FAM240C: variants seen among roughly 807,000 people sequenced by gnomAD.
FAM240C encodes the protein protein FAM240C.
Under a neutral mutation model 10.0 loss-of-function variants are expected in FAM240C, and 14 were observed. That is an observed-to-expected ratio of 1.40 (90% CI 0.92 to 2.19). The LOEUF is 2.19. FAM240C is among the 30% of genes most tolerant of loss of function. FAM240C has a pLI of 0.00. For missense variants in FAM240C, 154 were observed against 122.3 expected (o/e 1.26, Z -1.22); for synonymous variants, 49 against 44.3 (o/e 1.11, Z -0.42).
At chr2:241,899,957 C>T (rs2124927804) in intron 1 of FAM240C, among the ~76,000 whole-genome samples, 1 of 152,220 alleles carries the variant, frequency 6.6e-6, no homozygotes, top group African/African-American at 2.4e-5. Context: ...GTCCCAGCTA[C>T]TCGGAAGGCT....
Position 241,900,274 on chromosome 2 carries a change from A to G in FAM240C, c.12+84T>C. The G allele has an allele frequency of 1.4e-6, 1 of 709,734 alleles. No individual in the cohort carries two copies. 44.0% of individuals were successfully genotyped at this position (709,734 alleles called of 1,614,324 possible). A position where few individuals can be genotyped will look rare whatever the true frequency, so the allele number is the denominator to read the frequency against. On this transcript the variant is annotated intron_variant, in intron 1 of 2. Transcript: ENST00000404031. The surrounding 1 kb of genome is among the most constrained non-coding windows in gnomAD (Gnocchi z 4.5). The stretch of plus-strand genomic sequence containing the variant: ...ACGTCTTGTGCCAGATATGTCACAT[A>G]CTCTGTTCACCTTTTGGGGGCCCCC...
At chr2:241,896,373 GTACAGA>G (rs1297574360) in intron 2 of FAM240C, among the ~76,000 whole-genome samples, 1 of 152,156 alleles carries the variant, frequency 6.6e-6, no homozygotes, top group Non-Finnish European at 1.5e-5. Context: ...AAGGGCACAA[GTACAGA>G]TACGTCACTC....
At chr2:241,902,048 G>A (rs1701995056), upstream of FAM240C, among the ~76,000 whole-genome samples, 1 of 152,238 alleles carries the variant, frequency 6.6e-6, no homozygotes, top group African/African-American at 2.4e-5. The surrounding 1 kb of genome is among the most constrained non-coding windows in gnomAD (Gnocchi z 7.1). Flanking sequence ...CCGTGTTTCG[G>A]AGTTTGTAGG....
intron 2 of FAM240C, among the ~76,000 whole-genome samples, chr2:241,896,976 C>T (rs1162201869): frequency 2.6e-5 from 4 of 151,840 alleles, no homozygotes; most frequent in African/African-American, 7.3e-5. Context: ...TCATTTCCCA[C>T]CTACTGTTCC....
intron 2 of FAM240C, 98 bp downstream of exon 2, chr2:241,897,088 G>A: frequency 1.5e-6 from 2 of 1,358,294 alleles, no homozygotes; most frequent in East Asian, 5.0e-5. Flanking sequence ...CTGAGGGCCA[G>A]GGCTGTGTCA....
upstream of FAM240C, among the ~76,000 whole-genome samples, chr2:241,902,159 C>T (rs1420407242): frequency 6.6e-6 from 1 of 152,146 alleles, no homozygotes; most frequent in East Asian, 1.9e-4. The surrounding 1 kb of genome is among the most constrained non-coding windows in gnomAD (Gnocchi z 7.1). Flanking sequence ...CTTTCCTGAG[C>T]TATCCCAGTG....
At chr2:241,899,681 G>C (rs192210129) in intron 1 of FAM240C, among the ~76,000 whole-genome samples, 2 of 152,338 alleles carry the variant, frequency 1.3e-5, no homozygotes, top group East Asian at 3.9e-4. Context: ...CTGCTCTTAG[G>C]ACACTTAGCC....
At chr2:241,897,655 T>C (rs1284743002) in intron 1 of FAM240C, among the ~76,000 whole-genome samples, 1 of 152,182 alleles carries the variant, frequency 6.6e-6, no homozygotes, top group Non-Finnish European at 1.5e-5. Flanking sequence ...TAACTCTCTG[T>C]GTGTTAGTGT....
chr2:241,899,090 G>C, intron 1 of FAM240C: 1 of 1,296,458 alleles, frequency 7.7e-7, no homozygotes, highest in Non-Finnish European at 1.0e-6. Context: ...GAGACCCGCG[G>C]GCTCGTTTCC....
In FAM240C at chr2:241,897,286, C is replaced by A; in HGVS notation, c.61G>T (p.Asp21Tyr). The A allele has an allele frequency of 6.5e-7, 1 of 1,549,812 alleles. No homozygotes were observed. The highest frequency in any genetic ancestry group is 8.7e-7 in the Non-Finnish European group (1 of 1,146,526). The change falls in exon 2 of 3, where the codon GAT becomes TAT. Residue 21 changes from aspartate (D) to tyrosine (Y), a missense_variant. Transcript: ENST00000404031. ...TLKNPGRVAYDSGGIKMFWEK... is the reference protein window; with the variant it reads ...TLKNPGRVAYYSGGIKMFWEK... ...CAAAACATCTTTATCCCGCCTGAAT[C>A]GTATGCTACTCTTCCAGGATTCTTA...
chr2:241,895,597 G>A (rs1701776680), intron 2 of FAM240C, among the ~76,000 whole-genome samples: 1 of 152,232 alleles, frequency 6.6e-6, no homozygotes, highest in African/African-American at 2.4e-5. Context: ...CTCTCTAACG[G>A]GAACCCTAAG....
chr2:241,897,639 C>T (rs1420305866), intron 1 of FAM240C, among the ~76,000 whole-genome samples: 1 of 152,228 alleles, frequency 6.6e-6, no homozygotes, highest in East Asian at 1.9e-4. Flanking sequence ...AGCAATGATG[C>T]ACTTCTAACT....
intron 2 of FAM240C, among the ~76,000 whole-genome samples, chr2:241,896,846 T>A (rs1575420230): frequency 1.6e-5 from 1 of 61,616 alleles, no homozygotes; most frequent in South Asian, 5.8e-4. Context: ...GGGGTGTGGG[T>A]GAAGGGGTGT....
chr2:241,897,408 C>G (rs1030072911), intron 1 of FAM240C, 74 bp from the exon 2 acceptor site: 4 of 1,493,438 alleles, frequency 2.7e-6, no homozygotes, highest in Non-Finnish European at 2.7e-6. Flanking sequence ...CTCCAGCACC[C>G]GGATGGCAGA....
intron 1 of FAM240C, among the ~76,000 whole-genome samples, chr2:241,899,934 G>T (rs1217914150): frequency 6.6e-6 from 1 of 152,164 alleles, no homozygotes; most frequent in East Asian, 1.9e-4. Flanking sequence ...GGGCGTCGTG[G>T]TGGGCGCCTG....
At chr2:241,897,388 C>T (rs1000262390) in intron 1 of FAM240C, 54 bp from the exon 2 acceptor site, 15 of 1,527,512 alleles carry the variant, frequency 9.8e-6, no homozygotes, top group Admixed American at 4.0e-5. Context: ...TTCCCATTGA[C>T]GAGTTTGTGC....
Position 241,897,286 on chromosome 2 carries a change from C to T in FAM240C, c.61G>A (p.Asp21Asn), listed in dbSNP as rs910378826. The change falls in exon 2 of 3, where the codon GAT (aspartate) becomes AAT (asparagine). Residue 21 changes from aspartate (D) to asparagine (N), a missense_variant. Transcript: ENST00000404031. ...CAAAACATCTTTATCCCGCCTGAAT[C>T]GTATGCTACTCTTCCAGGATTCTTA... Reference protein sequence around the residue: ...TLKNPGRVAYDSGGIKMFWEK... With the variant: ...TLKNPGRVAYNSGGIKMFWEK... The T allele has an allele frequency of 7.1e-6, 11 of 1,549,812 alleles. No homozygotes were observed. Among genetic ancestry groups the T allele is most frequent in the African/African-American group, 2.7e-5 (2 of 73,106 alleles).
chr2:241,897,472 AT>A lies in FAM240C; in HGVS notation c.13-139del, dbSNP rs890832458. ...TCCCCGCCTTCCTGGTTCGTGGGGG[AT>A]GGCGGAGGCTGCCCTCTGAGACTCA... On this transcript the variant is annotated intron_variant, in intron 1 of 2. Transcript: ENST00000404031. 5 of 1,030,900 alleles carry A rather than the reference AT, an allele frequency of 4.9e-6. No homozygotes were observed. The African/African-American group carries it at 8.1e-5, about 17-fold the overall frequency. 63.9% of individuals were successfully genotyped at this position (1,030,900 alleles called of 1,614,324 possible).
chr2:241,897,226 G>T lies in FAM240C; in HGVS notation c.121C>A (p.Gln41Lys). The T allele has an allele frequency of 6.5e-7, 1 of 1,549,988 alleles. No individual in the cohort carries two copies. The highest frequency in any genetic ancestry group is 8.7e-7 in the Non-Finnish European group (1 of 1,146,540). Reference sequence around the variant, plus strand: ...CTGCGAACCCTGATGTCCTCGTTCTGCAGGTGTCTTGCGTGATGCTCGATT... The same window carrying T: ...CTGCGAACCCTGATGTCCTCGTTCTTCAGGTGTCTTGCGTGATGCTCGATT... ...KKIEHHARHL[Q>K]NEDIRVRRSA... Residue 41 changes from glutamine (Q) to lysine (K), a missense_variant, in exon 2 of 3, where the codon CAG becomes AAG. Coordinates refer to ENST00000404031, the MANE Select transcript of FAM240C (RefSeq NM_001382368.1).
Sources: gnomAD v4.1 joint callset for allele counts (sites outside exome capture counted in the v4.1 genomes callset) on GRCh38, gnomAD v4.1.1 for gene constraint, Gnocchi (gnomAD v3.1) non-coding constraint, MANE v1.5 for transcripts, NCBI Gene and HGNC (gene_info 2026-07-23, HGNC 2026-07-21) for gene names.